Variants in SGMS1 observed in about 807,000 individuals in gnomAD.
SGMS1 encodes the protein sphingomyelin synthase 1, also known as phosphatidylcholine:ceramide cholinephosphotransferase 1.
A neutral mutation model predicts 46.2 loss-of-function variants in SGMS1; 13 were observed. The ratio of observed to expected loss-of-function variants is 0.28; its 90% CI spans 0.18 to 0.45. The LOEUF is 0.45. Among genes scored for constraint, SGMS1 ranks in the 20% least tolerant of loss-of-function variants. The pLI is 1.00. For missense variants in SGMS1, 324 were observed against 519.9 expected (o/e 0.62, Z 3.66); for synonymous variants, 203 against 187.8 (o/e 1.08, Z -0.66).
chr10:50,576,471 A>G (rs1838386132), intron 2 of SGMS1, among the ~76,000 whole-genome samples: 1 of 152,224 alleles, frequency 6.6e-6, no homozygotes, highest in Non-Finnish European at 1.5e-5. Flanking sequence ...GAATAGCCAA[A>G]TTCCATAAAT....
At chr10:50,334,740 A>T (rs896822422) in intron 7 of SGMS1, 3 of 152,260 alleles carry the variant, frequency 2.0e-5, no homozygotes, top group Non-Finnish European at 4.4e-5. Flanking sequence ...AACAGAATGG[A>T]CAAACATCCT....
intron 2 of SGMS1, among the ~76,000 whole-genome samples, chr10:50,526,007 T>C (rs774397071): frequency 9.9e-5 from 15 of 152,204 alleles, no homozygotes; most frequent in Non-Finnish European, 7.3e-5. Flanking sequence ...CAACCATTTA[T>C]TGAGTGCTTC....
chr10:50,586,164 C>G (rs1003897130), intron 2 of SGMS1, among the ~76,000 whole-genome samples: 1 of 152,194 alleles, frequency 6.6e-6, no homozygotes, highest in South Asian at 2.1e-4. Context: ...CCCAAATCCT[C>G]TGAGGAACAC....
upstream of SGMS1, chr10:50,624,663 C>T (rs1838901751): frequency 1.0e-6 from 1 of 985,322 alleles, no homozygotes; most frequent in African/African-American, 1.7e-5. Context: ...AGGCCGGGGT[C>T]GGAGCCCGCG....
intron 9 of SGMS1, 150 bp from the exon 10 acceptor site, chr10:50,308,298 G>A: frequency 1.5e-6 from 1 of 669,758 alleles, no homozygotes; most frequent in Non-Finnish European, 2.4e-6. Flanking sequence ...TCATTTATCT[G>A]TAACCAAGGT....
chr10:50,485,474 A>G (rs1442225544), intron 3 of SGMS1, among the ~76,000 whole-genome samples: 1 of 152,250 alleles, frequency 6.6e-6, no homozygotes, highest in Non-Finnish European at 1.5e-5. Flanking sequence ...ATACTGCCCA[A>G]AGTAATTTAC....
intron 6 of SGMS1, among the ~76,000 whole-genome samples, chr10:50,361,819 T>G (rs929051887): frequency 6.6e-6 from 1 of 152,204 alleles, no homozygotes; most frequent in African/African-American, 2.4e-5. Flanking sequence ...CTCAAGATGA[T>G]GTTCAGATGC....
intron 1 of SGMS1, among the ~76,000 whole-genome samples, chr10:50,622,393 C>G (rs763124317): frequency 1.2e-4 from 19 of 152,300 alleles, no homozygotes; most frequent in South Asian, 4.1e-4. Context: ...CTCAGTCCCC[C>G]CTGAATGTTT....
At chr10:50,578,260 C>T (rs11006190) in intron 2 of SGMS1, among the ~76,000 whole-genome samples, 19,621 of 152,174 alleles carry the variant, frequency 0.13, 1,660 homozygotes, top group Non-Finnish European at 0.19. Context: ...GCTCCCTTTG[C>T]GGTATTTATG....
intron 2 of SGMS1, among the ~76,000 whole-genome samples, chr10:50,562,606 C>G (rs1001055043): frequency 2.6e-5 from 4 of 152,112 alleles, no homozygotes; most frequent in African/African-American, 7.2e-5. Flanking sequence ...TGCAGTGGCG[C>G]GATCTCGTCT....
chr10:50,343,393 G>T, intron 7 of SGMS1, 99 bp downstream of exon 7: 1 of 1,312,452 alleles, frequency 7.6e-7, no homozygotes, highest in Non-Finnish European at 1.0e-6. Flanking sequence ...AGTATGTTTT[G>T]ATCCCAACAA....
chr10:50,406,704 C>CTTTTTTTTTTTTTTTT (rs11424535), intron 6 of SGMS1, among the ~76,000 whole-genome samples: 2 of 145,034 alleles, frequency 1.4e-5, no homozygotes, highest in Non-Finnish European at 3.0e-5. Flanking sequence ...AGCTATAATT[C>CTTTTTTTTTTTTTTTT]TTTTTTTTTT....
chr10:50,434,393 C>T (rs566621747), intron 5 of SGMS1, among the ~76,000 whole-genome samples: 50 of 152,194 alleles, frequency 3.3e-4, no homozygotes, highest in Non-Finnish European at 5.6e-4. Flanking sequence ...AAACAGGAAC[C>T]TAAATTAACT....
At chr10:50,577,374 G>A (rs1015245902) in intron 2 of SGMS1, among the ~76,000 whole-genome samples, 2 of 152,126 alleles carry the variant, frequency 1.3e-5, no homozygotes, top group African/African-American at 2.4e-5. Context: ...GGAACAAGAA[G>A]ACAGATTTGG....
intron 2 of SGMS1, among the ~76,000 whole-genome samples, chr10:50,532,688 T>TA (rs1253869674): frequency 6.6e-6 from 1 of 152,232 alleles, no homozygotes; most frequent in African/African-American, 2.4e-5. Flanking sequence ...CTAAAATTGC[T>TA]AAAAGACTTT....
At chr10:50,592,764 TTCAG>T (rs1357385063) in intron 1 of SGMS1, among the ~76,000 whole-genome samples, 1 of 152,206 alleles carries the variant, frequency 6.6e-6, no homozygotes, top group Non-Finnish European at 1.5e-5. Flanking sequence ...TGGTAACACA[TTCAG>T]TATCTATAAA....
Position 50,430,756 on chromosome 10 carries a change from C to A in SGMS1, c.-232+2720G>T, listed in dbSNP as rs1418151279. 3.3e-5 allele frequency among the ~76,000 whole-genome samples: 5 copies of A among 152,152 alleles called. No individual in the cohort carries two copies. In the East Asian group the frequency reaches 9.7e-4, roughly 29 times the overall value. The stretch of plus-strand genomic sequence containing the variant: ...AGTATTTTATATGTCTTTTATAATA[C>A]CTACCACATTCAGTTTGAAATTATA... On this transcript the variant is annotated intron_variant, in intron 6 of 10. Transcript: ENST00000361781.
chr10:50,574,963 G>GTGTATATA (rs1554793448), intron 2 of SGMS1, among the ~76,000 whole-genome samples: 1 of 99,864 alleles, frequency 1.0e-5, no homozygotes, highest in African/African-American at 3.0e-5. Flanking sequence ...AAAATGTGGT[G>GTGTATATA]TATATATATA....
At chr10:50,326,525 T>G (rs1351937132) in intron 8 of SGMS1, among the ~76,000 whole-genome samples, 1 of 152,210 alleles carries the variant, frequency 6.6e-6, no homozygotes, top group African/African-American at 2.4e-5. Flanking sequence ...AAAAATTCAT[T>G]AAAGAGCTTT....
Sources: allele counts gnomAD v4.1 joint callset (sites outside exome capture counted in the v4.1 genomes callset), GRCh38; gene constraint gnomAD v4.1.1; transcripts MANE v1.5; gene names NCBI Gene and HGNC (gene_info 2026-07-23, HGNC 2026-07-21).